Variants in AK5 observed in about 807,000 individuals in gnomAD.
The protein encoded by AK5 is adenylate kinase isoenzyme 5.
Under a neutral mutation model 69.5 loss-of-function variants are expected in AK5, and 27 were observed. That is an observed-to-expected ratio of 0.39 (90% CI 0.29 to 0.54). The LOEUF (loss-of-function observed/expected upper bound fraction) is 0.54, where lower values mean the gene tolerates loss of function less well. Among genes scored for constraint, AK5 ranks in the 20% least tolerant of loss-of-function variants. The probability of loss-of-function intolerance (pLI) is 0.71; values close to 1 mark genes in which losing one functional copy is unlikely to be tolerated. For synonymous variants in AK5, 260 were observed against 244.4 expected (o/e 1.06, Z -0.60); for missense variants, 531 against 700.4 (o/e 0.76, Z 2.73).
chr1:77,290,419 A>G (rs1440481770), intron 2 of AK5, among the ~76,000 whole-genome samples: 2 of 152,252 alleles, frequency 1.3e-5, no homozygotes, highest in Non-Finnish European at 2.9e-5. Flanking sequence ...TGTTATTACT[A>G]TGAAAAATTA....
chr1:77,297,969 T>C (rs1221082475), intron 5 of AK5, 22 bp downstream of exon 5: 1 of 1,519,626 alleles, frequency 6.6e-7, no homozygotes, highest in East Asian at 2.3e-5. Flanking sequence ...TCCTTATATT[T>C]TAAATGAACT....
chr1:77,291,569 G>T (rs1003362928), intron 2 of AK5, among the ~76,000 whole-genome samples: 1 of 151,470 alleles, frequency 6.6e-6, no homozygotes, highest in Non-Finnish European at 1.5e-5. Flanking sequence ...AGGATTCAGG[G>T]ACCTCCATAT....
chr1:77,295,234 C>G (rs1047232743), intron 3 of AK5, among the ~76,000 whole-genome samples: 1 of 152,016 alleles, frequency 6.6e-6, no homozygotes, highest in Non-Finnish European at 1.5e-5. Flanking sequence ...TTATGGAGAC[C>G]CCATGCAAGG....
chr1:77,545,409 C>T (rs1659490246), intron 13 of AK5, among the ~76,000 whole-genome samples: 1 of 152,170 alleles, frequency 6.6e-6, no homozygotes. Context: ...TAACACATCA[C>T]AATATTGTTT....
chr1:77,286,978 A>G lies in AK5; in HGVS notation c.98A>G (p.Asp33Gly). The change falls in exon 2 of 14, where the codon GAT becomes GGT. Residue 33 changes from aspartate to glycine, a missense_variant. Asp to Gly is a moderately conservative substitution (Grantham distance 94). Coordinates refer to ENST00000354567, the MANE Select transcript of AK5 (RefSeq NM_174858.3). ...GGACTGATGTGTTCTAAGCCCGAAGATCCAGTAGAATACTTGGAAAGTTGT... is the reference window on the plus strand; with the variant it reads ...GGACTGATGTGTTCTAAGCCCGAAGGTCCAGTAGAATACTTGGAAAGTTGT... ...LNGLMCSKPE[D>G]PVEYLESCLQ... 6.3e-7 allele frequency: 1 copy of G among 1,599,202 alleles called. No homozygotes were observed. Among genetic ancestry groups the G allele is most frequent in the Non-Finnish European group, 8.5e-7 (1 of 1,172,044 alleles).
At chr1:77,390,523 A>G (rs1396839584) in intron 6 of AK5, among the ~76,000 whole-genome samples, 2 of 152,198 alleles carry the variant, frequency 1.3e-5, no homozygotes, top group Non-Finnish European at 2.9e-5. Flanking sequence ...TGATGCTAAC[A>G]ACTTACTCTT....
At chr1:77,413,201 C>T (rs1318030939) in intron 7 of AK5, among the ~76,000 whole-genome samples, 1 of 152,144 alleles carries the variant, frequency 6.6e-6, no homozygotes, top group Non-Finnish European at 1.5e-5. Context: ...TCCCCCAGTT[C>T]TCTGAATACC....
intron 12 of AK5, among the ~76,000 whole-genome samples, chr1:77,530,749 A>T (rs1658528660): frequency 6.6e-6 from 1 of 152,162 alleles, no homozygotes; most frequent in African/African-American, 2.4e-5. Context: ...ATACACCAAG[A>T]ATAAGATAGT....
intron 6 of AK5, among the ~76,000 whole-genome samples, chr1:77,373,497 C>A (rs1055344456): frequency 3.3e-5 from 5 of 152,024 alleles, no homozygotes; most frequent in Admixed American, 2.6e-4. Flanking sequence ...AAGGCCGAGG[C>A]GGGTGGATCA....
chr1:77,322,949 A>G (rs1660609833), intron 5 of AK5, among the ~76,000 whole-genome samples: 1 of 152,024 alleles, frequency 6.6e-6, no homozygotes, highest in South Asian at 2.1e-4. Context: ...TAGTTTCACA[A>G]GTTCTGCGCT....
chr1:77,460,680 A>G (rs1353815425), intron 8 of AK5, among the ~76,000 whole-genome samples: 1 of 152,176 alleles, frequency 6.6e-6, no homozygotes, highest in Non-Finnish European at 1.5e-5. Context: ...GAAATAAGCC[A>G]GGCACAGAAA....
chr1:77,395,340 C>T (rs1410242554), intron 6 of AK5, among the ~76,000 whole-genome samples: 5 of 152,114 alleles, frequency 3.3e-5, no homozygotes, highest in Admixed American at 2.6e-4. Context: ...TAGCTTTTTT[C>T]CCTGAGGCTT....
chr1:77,510,212 A>G (rs1424166077), intron 10 of AK5, among the ~76,000 whole-genome samples: 1 of 152,192 alleles, frequency 6.6e-6, no homozygotes, highest in Non-Finnish European at 1.5e-5. Flanking sequence ...TGGGGATGCC[A>G]GCCTAAGTGA....
chr1:77,367,579 A>ATGTTAT lies in AK5; in HGVS notation c.891+27011_891+27012insTGTTAT, dbSNP rs71075732. Among the ~76,000 whole-genome samples, 9 of 53,396 alleles carry ATGTTAT rather than the reference A, an allele frequency of 1.7e-4. No homozygotes were observed. The South Asian group carries it at 1.9e-3, about 11-fold the overall frequency. The allele number at this position is 53,396 out of a possible 152,430, so 35.0% of individuals were successfully genotyped here. On this transcript the variant is annotated intron_variant, in intron 6 of 13. Coordinates refer to ENST00000354567, the MANE Select transcript of AK5 (RefSeq NM_174858.3). ...TTTTTATATATATATATATATATAT[A>ATGTTAT]ATATATATGTTATATATGTAATATA...
At chr1:77,384,966 A>G (rs1647902819) in intron 6 of AK5, among the ~76,000 whole-genome samples, 1 of 152,118 alleles carries the variant, frequency 6.6e-6, no homozygotes, top group Non-Finnish European at 1.5e-5. Flanking sequence ...TCTGCCCCTT[A>G]CTAGATGTAG....
At chr1:77,463,774 A>G (rs1653979938) in intron 8 of AK5, among the ~76,000 whole-genome samples, 1 of 152,058 alleles carries the variant, frequency 6.6e-6, no homozygotes, top group Admixed American at 6.6e-5. Flanking sequence ...AAAAGCATCT[A>G]CCAACTGGTA....
intron 10 of AK5, among the ~76,000 whole-genome samples, chr1:77,511,103 A>T (rs1013017480): frequency 6.6e-6 from 1 of 151,826 alleles, no homozygotes; most frequent in Non-Finnish European, 1.5e-5. Flanking sequence ...ACCACAGTAT[A>T]AAAAAAGCTG....
chr1:77,368,228 TATATATATATATATATATATATATA>T (rs1647037247), intron 6 of AK5, among the ~76,000 whole-genome samples: 1 of 27,258 alleles, frequency 3.7e-5, no homozygotes, highest in African/African-American at 1.1e-4. Context: ...TATATATATA[TATATATATATATATATATATATATA>T]ATATATATGT....
At chr1:77,403,415 T>G (rs907436095) in intron 6 of AK5, among the ~76,000 whole-genome samples, 4 of 152,058 alleles carry the variant, frequency 2.6e-5, no homozygotes, top group South Asian at 4.1e-4. Context: ...TCTTCTAGGG[T>G]TTTTATGGTT....
Sources: allele counts gnomAD v4.1 joint callset (sites outside exome capture counted in the v4.1 genomes callset), GRCh38; gene constraint gnomAD v4.1.1; transcripts MANE v1.5; gene names NCBI Gene and HGNC (gene_info 2026-07-23, HGNC 2026-07-21).